The following SLX9 variants were observed in gnomAD, a reference collection of about 807,000 sequenced individuals.
SLX9 encodes ribosome biogenesis protein SLX9 homolog.
Under a neutral mutation model 20.8 loss-of-function variants are expected in SLX9, and 19 were observed. The observed-to-expected ratio is 0.91, with a 90% CI of 0.64 to 1.34. SLX9 has a LOEUF of 1.34. Ranked by LOEUF, SLX9 falls within the 40% of genes most tolerant of loss-of-function variation. The pLI, the probability that SLX9 is intolerant of heterozygous loss-of-function variation, is 0.00. For synonymous variants in SLX9, 113 were observed against 137.1 expected (o/e 0.82, Z 1.23); for missense variants, 299 against 322.2 (o/e 0.93, Z 0.55).
At chr21:44,971,163 G>GCGA (rs1601421345) in intron 4 of SLX9, among the ~76,000 whole-genome samples, 1 of 152,300 alleles carries the variant, frequency 6.6e-6, no homozygotes, top group African/African-American at 2.4e-5. Flanking sequence ...CGCTTTGTGG[G>GCGA]TGATTGTCGG....
At chr21:44,950,318 T>A (rs1267880577) in intron 2 of SLX9, among the ~76,000 whole-genome samples, 1 of 152,228 alleles carries the variant, frequency 6.6e-6, no homozygotes, top group Non-Finnish European at 1.5e-5. Flanking sequence ...CAGAATGTAC[T>A]TGTTGCTTAT....
intron 3 of SLX9, among the ~76,000 whole-genome samples, chr21:44,963,431 T>G (rs1349255351): frequency 1.3e-5 from 2 of 152,098 alleles, no homozygotes; most frequent in African/African-American, 4.8e-5. Flanking sequence ...TAATTTATAT[T>G]AGTTATTGTG....
rs759977911 is a variant in SLX9 at position 44,973,243 on chromosome 21, G to A, written c.547G>A (p.Ala183Thr). The A allele has an allele frequency of 3.7e-6, 6 of 1,612,692 alleles. No individual in the cohort carries two copies. The highest frequency in any genetic ancestry group is 1.8e-4 in the Middle Eastern group (1 of 5,590). ...GCCCTCAGAGCTCAGCCGGATGAGC[G>A]CAGCCCAGAGACAGCAGCTTCTGTG... is the stretch of plus-strand genomic sequence containing the variant. ...PRPSELSRMS[A>T]AQRQQLLEEE... is the part of the protein sequence containing the mutation. The change falls in exon 5 of 6, where the codon GCA (alanine) becomes ACA (threonine). Residue 183 changes from alanine to threonine, a missense_variant. Transcript: ENST00000291634.
At chr21:44,954,126 G>C (rs1233381087) in intron 2 of SLX9, among the ~76,000 whole-genome samples, 2 of 152,154 alleles carry the variant, frequency 1.3e-5, no homozygotes, top group East Asian at 1.9e-4. Flanking sequence ...TGTGGGGTGA[G>C]CTAACACTGG....
At chr21:44,974,800 A>AT (rs2085232159) in intron 5 of SLX9, among the ~76,000 whole-genome samples, 1 of 152,174 alleles carries the variant, frequency 6.6e-6, no homozygotes, top group African/African-American at 2.4e-5. Context: ...ACAGTTTGCG[A>AT]ACAGCAGAGC....
chr21:44,970,105 C>G (rs573185798), intron 4 of SLX9, among the ~76,000 whole-genome samples: 15 of 152,220 alleles, frequency 9.9e-5, no homozygotes, highest in East Asian at 1.9e-4. Context: ...TGAGACCCCC[C>G]CTCCATGCTG....
chr21:44,948,002 C>A (rs1296578673), intron 2 of SLX9, among the ~76,000 whole-genome samples: 1 of 152,228 alleles, frequency 6.6e-6, no homozygotes, highest in Non-Finnish European at 1.5e-5. Flanking sequence ...GAGCCTCCCC[C>A]AACGCAGTGC....
chr21:44,946,933 T>C (rs1363349656), intron 2 of SLX9, among the ~76,000 whole-genome samples: 1 of 152,192 alleles, frequency 6.6e-6, no homozygotes, highest in Non-Finnish European at 1.5e-5. Flanking sequence ...CAGACCCTCA[T>C]GGGTGGGACC....
intron 2 of SLX9, among the ~76,000 whole-genome samples, chr21:44,953,482 G>A (rs1054947118): frequency 2.0e-5 from 3 of 151,990 alleles, no homozygotes; most frequent in African/African-American, 7.3e-5. Context: ...TCGGGAGCCT[G>A]TCCTGCACCA....
intron 3 of SLX9, among the ~76,000 whole-genome samples, chr21:44,964,470 C>T (rs1230834279): frequency 1.3e-5 from 2 of 152,212 alleles, no homozygotes; most frequent in African/African-American, 4.8e-5. Context: ...CCCTCCCACT[C>T]CTGGAGGCCT....
At chr21:44,942,635 A>G (rs28461900) in intron 1 of SLX9, among the ~76,000 whole-genome samples, 22,400 of 152,266 alleles carry the variant, frequency 0.15, 1,752 homozygotes, top group Admixed American at 0.21. Context: ...ACAGATTAAC[A>G]GGAGAAAAGC....
At chr21:44,942,634 C>G (rs1040429956) in intron 1 of SLX9, among the ~76,000 whole-genome samples, 1 of 152,212 alleles carries the variant, frequency 6.6e-6, no homozygotes, top group African/African-American at 2.4e-5. Flanking sequence ...AACAGATTAA[C>G]AGGAGAAAAG....
chr21:44,952,237 C>T (rs1413038492), intron 2 of SLX9, among the ~76,000 whole-genome samples: 3 of 152,228 alleles, frequency 2.0e-5, no homozygotes, highest in African/African-American at 4.8e-5. Flanking sequence ...ACCGGCTTGC[C>T]GAGGTCCCTG....
At chr21:44,955,312 T>G (rs1321971134) in intron 2 of SLX9, among the ~76,000 whole-genome samples, 1 of 151,954 alleles carries the variant, frequency 6.6e-6, no homozygotes, top group Non-Finnish European at 1.5e-5. Flanking sequence ...TTCTCCCCGC[T>G]GCCGCGGTGC....
chr21:44,943,604 C>G, intron 1 of SLX9, 80 bp from the exon 2 acceptor site: 2 of 1,561,000 alleles, frequency 1.3e-6, no homozygotes, highest in Non-Finnish European at 1.7e-6. Flanking sequence ...TGCATCTTCT[C>G]CTCACCTTTA....
chr21:44,944,474 TC>T (rs138968949), intron 2 of SLX9, among the ~76,000 whole-genome samples: 2,812 of 152,240 alleles, frequency 0.018, 87 homozygotes, highest in African/African-American at 0.064. Flanking sequence ...TTTAGAGAGT[TC>T]CCGGCCACCA....
chr21:44,946,370 G>A (rs1223572106), intron 2 of SLX9, among the ~76,000 whole-genome samples: 1 of 152,220 alleles, frequency 6.6e-6, no homozygotes, highest in African/African-American at 2.4e-5. Context: ...AGCGTGGCCC[G>A]TTCTGGCGCT....
rs1210006500 is a variant in SLX9, at chr21:44,948,210, G to T, written c.283+4373G>T. Among the ~76,000 whole-genome samples, 4 of 150,996 alleles carry T rather than the reference G, an allele frequency of 2.6e-5. 1 individual carries two copies. Among genetic ancestry groups the T allele is most frequent in the Non-Finnish European group, 5.9e-5 (4 of 67,690 alleles). On this transcript the variant is annotated intron_variant, in intron 2 of 5. Transcript: ENST00000291634. ...GGGAGGTGGTCGTGGAGCATCGGGC[G>T]GTCCGGGAATCTGGTCGTGGAGCAT...
chr21:44,940,200 G>T lies in SLX9; in HGVS notation c.129+14G>T, dbSNP rs1250069251. The T allele has an allele frequency of 1.6e-6, 2 of 1,234,616 alleles. No homozygotes were observed. Among genetic ancestry groups the T allele is most frequent in the Non-Finnish European group, 2.0e-6 (2 of 985,516 alleles). 76.5% of individuals were successfully genotyped at this position (1,234,616 alleles called of 1,614,324 possible). A position where few individuals can be genotyped will look rare whatever the true frequency, so the allele number is the denominator to read the frequency against. On this transcript the variant is annotated intron_variant, in intron 1 of 5. Coordinates refer to ENST00000291634, the MANE Select transcript of SLX9 (RefSeq NM_058190.4). ...GCCGCGGGGAAGGTGAGCTGGGGAG[G>T]CGCTGGCCGGGGGCTGCCGCGTGGG...
Sources: allele counts gnomAD v4.1 joint callset (sites outside exome capture counted in the v4.1 genomes callset), GRCh38; gene constraint gnomAD v4.1.1; transcripts MANE v1.5; gene names NCBI Gene and HGNC (gene_info 2026-07-23, HGNC 2026-07-21).